Variants in MICAL3 observed in about 807,000 individuals in gnomAD.
The protein encoded by MICAL3 is microtubule associated monooxygenase, calponin and LIM domain containing 3.
A neutral mutation model predicts 207.4 loss-of-function variants in MICAL3; 62 were observed. The ratio of observed to expected loss-of-function variants is 0.30; its 90% CI spans 0.24 to 0.37. MICAL3 has a LOEUF of 0.37. Among genes scored for constraint, MICAL3 ranks in the 10% least tolerant of loss-of-function variants. The pLI is 1.00. For missense variants in MICAL3, 2,368 were observed against 2,635.6 expected (o/e 0.90, Z 2.22); for synonymous variants, 1,077 against 1,069.3 (o/e 1.01, Z -0.14).
intron 1 of MICAL3, among the ~76,000 whole-genome samples, chr22:17,974,147 G>T (rs1935534405): frequency 6.6e-6 from 1 of 152,128 alleles, no homozygotes; most frequent in Non-Finnish European, 1.5e-5. Context: ...CACAGGTAAG[G>T]AAAGTGACGA....
Position 17,831,961 on chromosome 22 carries a change from G to A in MICAL3, c.2948C>T (p.Ala983Val). 4.4e-6 allele frequency: 7 copies of A among 1,587,802 alleles called. No homozygotes were observed. Among genetic ancestry groups the A allele is most frequent in the Non-Finnish European group, 6.0e-6 (7 of 1,167,282 alleles). The part of the protein sequence containing the change: ...LKGKSEEELE[A>V]SKSFGPGNEE... ...ATTCCCAGGCCCAAAGCTCTTTGAG[G>A]CCTCTAGCTCCTCTTCACTTTTCCC... Residue 983 changes from alanine to valine, a missense_variant, in exon 21 of 32, where the codon GCC becomes GTC. By Grantham distance (64) the Ala-to-Val change is moderately conservative (BLOSUM62 0). Transcript: ENST00000441493.
At chr22:17,872,133 G>T (rs931700660) in intron 16 of MICAL3, 110 bp from the exon 17 acceptor site, 1 of 895,448 alleles carries the variant, frequency 1.1e-6, no homozygotes, top group Non-Finnish European at 1.7e-6. Flanking sequence ...TAAGGGGTCT[G>T]CTTTGAGACA....
chr22:17,822,018 A>C lies in MICAL3; in HGVS notation c.3448+12T>G, dbSNP rs5992113. On this transcript the variant is annotated intron_variant, in intron 24 of 31. Transcript: ENST00000441493. ...TTCTGAAAGTTGTTTCTCCCATCAA[A>C]GACAGGCTCACCTCTCTCTTGGTGC... 116,098 of 1,612,094 alleles carry C rather than the reference A, an allele frequency of 0.072. 5,977 individuals carry two copies. Among genetic ancestry groups the C allele is most frequent in the African/African-American group, 0.28 (20,751 of 74,906 alleles).
intron 1 of MICAL3, among the ~76,000 whole-genome samples, chr22:17,929,432 T>G (rs2146314167): frequency 6.6e-6 from 1 of 152,230 alleles, no homozygotes; most frequent in Non-Finnish European, 1.5e-5. Flanking sequence ...AAACCATGTG[T>G]AAGTTGGGTT....
intron 28 of MICAL3, among the ~76,000 whole-genome samples, chr22:17,809,700 A>G (rs429940): frequency 0.51 from 77,818 of 152,060 alleles, 23,292 homozygotes; most frequent in African/African-American, 0.85. Flanking sequence ...GCAGCCTGAA[A>G]ACAAGCTGGA....
At position 17,900,431 on chromosome 22, in the gene MICAL3, T is replaced by C. The variant is rs565661349; in HGVS notation, c.847+411A>G. Among the ~76,000 whole-genome samples the C allele has an allele frequency of 8.5e-5, 13 of 152,180 alleles. No individual in the cohort carries two copies. In the East Asian group the frequency reaches 2.3e-3, roughly 27 times the overall value. ...GCCCGGGCAACATGGCGAAACTCCG[T>C]CTCTACAAGTAATACGAAAAATTAG... On this transcript the variant is annotated intron_variant, in intron 6 of 31. Coordinates refer to ENST00000441493, the MANE Select transcript of MICAL3 (RefSeq NM_015241.3). This position sits in a 1 kb window ranked among gnomAD's most constrained non-coding sequence, Gnocchi z 4.0.
intron 19 of MICAL3, chr22:17,861,509 C>G (rs1926513344): frequency 1.0e-6 from 1 of 985,318 alleles, no homozygotes; most frequent in Non-Finnish European, 1.2e-6. Context: ...TTTTGGTCAT[C>G]AACCGTATCA....
At chr22:17,815,282 G>A (rs983177316) in intron 27 of MICAL3, 7 of 152,276 alleles carry the variant, frequency 4.6e-5, no homozygotes, top group African/African-American at 1.4e-4. Context: ...AGCCAACCCA[G>A]GCAGTAGGTG....
intron 1 of MICAL3, among the ~76,000 whole-genome samples, chr22:17,968,811 A>G (rs1935272655): frequency 6.6e-6 from 1 of 152,182 alleles, no homozygotes; most frequent in South Asian, 2.1e-4. Context: ...TTAGATTAGC[A>G]TGGGGCGACA....
chr22:17,958,135 C>A (rs892156568), intron 1 of MICAL3, among the ~76,000 whole-genome samples: 1 of 88,804 alleles, frequency 1.1e-5, no homozygotes, highest in Non-Finnish European at 2.6e-5. Context: ...TAACGTGGAC[C>A]CCATTACAAT....
At chr22:17,979,562 G>GTT in intron 1 of MICAL3, among the ~76,000 whole-genome samples, 1 of 152,072 alleles carries the variant, frequency 6.6e-6, no homozygotes. Context: ...GTATGTAAAC[G>GTT]TTGGTAAAAA....
intron 22 of MICAL3, among the ~76,000 whole-genome samples, chr22:17,825,530 G>A (rs1303221044): frequency 2.0e-5 from 3 of 152,122 alleles, no homozygotes; most frequent in African/African-American, 2.4e-5. Context: ...CCGTCTCTGC[G>A]CAAAGAGCAG....
chr22:17,866,601 CATAGAACAGAACAGA>C (rs1440216989), intron 17 of MICAL3, among the ~76,000 whole-genome samples: 1 of 73,578 alleles, frequency 1.4e-5, no homozygotes, highest in East Asian at 4.3e-4. Flanking sequence ...AAGGGAACAG[CATAGAACAGAACAGA>C]ATAGAATAGA....
chr22:17,874,527 G>C (rs1298064041), intron 16 of MICAL3, among the ~76,000 whole-genome samples: 1 of 152,162 alleles, frequency 6.6e-6, no homozygotes, highest in Non-Finnish European at 1.5e-5. Context: ...CTAAACCTGG[G>C]GCTGCCCGTG....
intron 1 of MICAL3, among the ~76,000 whole-genome samples, chr22:18,010,556 T>C (rs1487525641): frequency 2.0e-5 from 3 of 152,124 alleles, no homozygotes; most frequent in Non-Finnish European, 2.9e-5. Flanking sequence ...AGGGGGTATT[T>C]GAGAGGTCCC....
At chr22:17,982,172 G>A (rs751586065) in intron 1 of MICAL3, among the ~76,000 whole-genome samples, 4 of 152,096 alleles carry the variant, frequency 2.6e-5, no homozygotes, top group Non-Finnish European at 5.9e-5. Context: ...GCTCACTACT[G>A]AATTCCCAGC....
intron 16 of MICAL3, chr22:17,875,263 A>C (rs977687371): frequency 5.2e-5 from 20 of 385,640 alleles, no homozygotes; most frequent in African/African-American, 4.3e-4. Context: ...TTAGCTGAGG[A>C]GTGTGCCACA....
chr22:17,937,253 A>C (rs1033303648), intron 1 of MICAL3, among the ~76,000 whole-genome samples: 1 of 152,128 alleles, frequency 6.6e-6, no homozygotes, highest in African/African-American at 2.4e-5. Context: ...ATACTCCCTA[A>C]CTGTTCTACC....
chr22:17,998,566 T>A (rs544756837), intron 1 of MICAL3, among the ~76,000 whole-genome samples: 3,301 of 149,508 alleles, frequency 0.022, 43 homozygotes, highest in Middle Eastern at 0.06. Flanking sequence ...TATTATTATT[T>A]TTTTTTTGAG....
Sources: gnomAD v4.1 joint callset for allele counts (sites outside exome capture counted in the v4.1 genomes callset) on GRCh38, gnomAD v4.1.1 for gene constraint, Gnocchi (gnomAD v3.1) non-coding constraint, MANE v1.5 for transcripts, NCBI Gene and HGNC (gene_info 2026-07-23, HGNC 2026-07-21) for gene names.